The following AUTS2 variants were observed in gnomAD, a reference collection of about 807,000 sequenced individuals.
AUTS2 encodes the protein activator of transcription and developmental regulator AUTS2, also known as autism susceptibility gene 2 protein.
AUTS2 carries 17 observed loss-of-function variants against 112.4 expected under a neutral mutation model. The observed-to-expected ratio is 0.15, with a 90% CI of 0.10 to 0.23. AUTS2 has a LOEUF of 0.23. Ranked by LOEUF, AUTS2 falls within the 10% of genes least tolerant of loss-of-function variation. The pLI, the probability that AUTS2 is intolerant of heterozygous loss-of-function variation, is 1.00. For missense variants in AUTS2, 1,510 were observed against 1,701.6 expected, an observed-to-expected ratio of 0.89 and a Z score of 1.98; for synonymous variants, 751 against 702.7, an observed-to-expected ratio of 1.07 and a Z score of -1.09.
intron 5 of AUTS2, among the ~76,000 whole-genome samples, chr7:70,442,860 T>C (rs1008889559): frequency 6.6e-5 from 10 of 152,192 alleles, no homozygotes; most frequent in African/African-American, 2.4e-4. Flanking sequence ...CCCTTCAGGA[T>C]TTTGTCTGGG....
At chr7:70,041,625 C>T (rs1343043776) in intron 2 of AUTS2, among the ~76,000 whole-genome samples, 1 of 152,178 alleles carries the variant, frequency 6.6e-6, no homozygotes, top group Admixed American at 6.5e-5. Flanking sequence ...AAAGCAGACA[C>T]TCTTGGGTAT....
chr7:70,752,895 T>G (rs1432287898), intron 6 of AUTS2, among the ~76,000 whole-genome samples: 1 of 152,108 alleles, frequency 6.6e-6, no homozygotes, highest in African/African-American at 2.4e-5. Flanking sequence ...CCCTAAAAGC[T>G]CTTCATTCTG....
intron 1 of AUTS2, among the ~76,000 whole-genome samples, chr7:69,794,359 C>T (rs1312670316): frequency 6.6e-6 from 1 of 152,128 alleles, no homozygotes; most frequent in Non-Finnish European, 1.5e-5. Context: ...AAGAATATGG[C>T]ACGATTTCTT....
intron 4 of AUTS2, among the ~76,000 whole-genome samples, chr7:70,383,212 G>C (rs1297476723): frequency 6.6e-6 from 1 of 151,966 alleles, no homozygotes; most frequent in Non-Finnish European, 1.5e-5. Context: ...GAGGTGCTTA[G>C]CATGTGTTCT....
chr7:69,992,602 A>G (rs1266041980), intron 2 of AUTS2, among the ~76,000 whole-genome samples: 1 of 152,152 alleles, frequency 6.6e-6, no homozygotes, highest in Admixed American at 6.5e-5. Flanking sequence ...TCATGTCCAT[A>G]ATCCCAGCAC....
chr7:69,624,562 A>T (rs1481299617), intron 1 of AUTS2, among the ~76,000 whole-genome samples: 1 of 152,222 alleles, frequency 6.6e-6, no homozygotes, highest in Admixed American at 6.5e-5. Flanking sequence ...CAAACCCTGC[A>T]CTTAAGCTGT....
intron 4 of AUTS2, among the ~76,000 whole-genome samples, chr7:70,421,282 C>G (rs1795210181): frequency 6.7e-6 from 1 of 149,610 alleles, no homozygotes; most frequent in South Asian, 2.2e-4. Flanking sequence ...TCATCCCCCC[C>G]AACCCTTCTG....
chr7:70,663,896 AGT>A (rs1379058994), intron 5 of AUTS2, among the ~76,000 whole-genome samples: 1 of 152,216 alleles, frequency 6.6e-6, no homozygotes, highest in African/African-American at 2.4e-5. Context: ...TCTCAGAATG[AGT>A]GTATTTGCTA....
intron 5 of AUTS2, among the ~76,000 whole-genome samples, chr7:70,600,031 C>T (rs975566013): frequency 7.9e-5 from 12 of 152,180 alleles, no homozygotes; most frequent in Admixed American, 2.6e-4. Flanking sequence ...CATTCCTGAG[C>T]CCCACCCACA....
rs750997066 is a variant in AUTS2 at position 70,789,824 on chromosome 7, C to T, written c.2608C>T (p.Arg870Cys). 1.9e-6 allele frequency: 3 copies of T among 1,614,176 alleles called. No individual in the cohort carries two copies. The highest frequency in any genetic ancestry group is 2.2e-5 in the South Asian group (2 of 91,080). Residue 870 changes from arginine (R) to cysteine (C), a missense_variant, in exon 19 of 19, where the codon CGC becomes TGC. By Grantham distance (180) the Arg-to-Cys change is radical (BLOSUM62 -3). Coordinates refer to ENST00000342771, the MANE Select transcript of AUTS2 (RefSeq NM_015570.4). Reference sequence around the variant, plus strand: ...CCCGGTGAATGCCCTGGGACATACCCGCAGCTCCACTGAACAGATCCGGGC... The same window carrying T: ...CCCGGTGAATGCCCTGGGACATACCTGCAGCTCCACTGAACAGATCCGGGC... ...VLPVNALGHT[R>C]SSTEQIRAHL...
chr7:69,932,810 A>G (rs1449108239), intron 2 of AUTS2, among the ~76,000 whole-genome samples: 1 of 152,212 alleles, frequency 6.6e-6, no homozygotes, highest in Non-Finnish European at 1.5e-5. Context: ...GCTTCACATT[A>G]TTTGTTTTAA....
chr7:69,924,701 G>A (rs1562971593), intron 2 of AUTS2, among the ~76,000 whole-genome samples: 1 of 151,946 alleles, frequency 6.6e-6, no homozygotes. Flanking sequence ...ATAGGCATGC[G>A]CCACCACGCC....
At chr7:69,977,569 T>G (rs1000405615) in intron 2 of AUTS2, among the ~76,000 whole-genome samples, 5 of 152,194 alleles carry the variant, frequency 3.3e-5, no homozygotes, top group Non-Finnish European at 7.4e-5. Flanking sequence ...TTAAAGCCCA[T>G]GGTCAACCAC....
chr7:70,766,459 G>A lies in AUTS2; in HGVS notation c.1689+125G>A. 2 of 1,262,362 alleles carry A rather than the reference G, an allele frequency of 1.6e-6. No homozygotes were observed. Among genetic ancestry groups the A allele is most frequent in the Non-Finnish European group, 2.2e-6 (2 of 895,450 alleles). The allele number at this position is 1,262,362 out of a possible 1,614,324, so 78.2% of individuals were successfully genotyped here. A position where few individuals can be genotyped will look rare whatever the true frequency, so the allele number is the denominator to read the frequency against. On this transcript the variant is annotated intron_variant, in intron 9 of 18. Coordinates refer to ENST00000342771, the MANE Select transcript of AUTS2 (RefSeq NM_015570.4). The surrounding 1 kb of genome is among the most constrained non-coding windows in gnomAD (Gnocchi z 4.8). ...AATGGGGACTGACGGCTGTTGGCTG[G>A]AGAGAAGGGAATGTGTCCTAGTGCC...
At chr7:69,860,502 C>T (rs1414144715) in intron 1 of AUTS2, among the ~76,000 whole-genome samples, 1 of 152,040 alleles carries the variant, frequency 6.6e-6, no homozygotes, top group Non-Finnish European at 1.5e-5. Context: ...TTTCCAACAT[C>T]CCCCACACCC....
intron 6 of AUTS2, among the ~76,000 whole-genome samples, chr7:70,745,071 A>G (rs1788368793): frequency 6.6e-6 from 1 of 151,774 alleles, no homozygotes; most frequent in Non-Finnish European, 1.5e-5. Flanking sequence ...ATTGACTCTT[A>G]CCCTCTGCAT....
At chr7:69,976,290 A>T (rs2129548694) in intron 2 of AUTS2, among the ~76,000 whole-genome samples, 1 of 152,318 alleles carries the variant, frequency 6.6e-6, no homozygotes, top group Non-Finnish European at 1.5e-5. Flanking sequence ...TCACTTCATA[A>T]TATCCTCAAG....
Position 70,516,648 on chromosome 7 carries a change from G to A in AUTS2, c.690+80867G>A, listed in dbSNP as rs564210794. Among the ~76,000 whole-genome samples, 33 of 152,282 alleles carry A rather than the reference G, an allele frequency of 2.2e-4. 1 individual carries two copies. In the South Asian group the frequency reaches 6.6e-3, roughly 31 times the overall value. On this transcript the variant is annotated intron_variant, in intron 5 of 18. Coordinates refer to ENST00000342771, the MANE Select transcript of AUTS2 (RefSeq NM_015570.4). ...CCTGGTTATTGTGAGGATTAAATGA[G>A]AAATTGTATTAGAAACTCCAGGCAC...
intron 5 of AUTS2, among the ~76,000 whole-genome samples, chr7:70,644,297 G>A (rs1428125348): frequency 6.6e-6 from 1 of 152,198 alleles, no homozygotes; most frequent in South Asian, 2.1e-4. Flanking sequence ...GAGGAGTGGT[G>A]ATGGAGAGGG....
Sources: gnomAD v4.1 joint callset for allele counts (sites outside exome capture counted in the v4.1 genomes callset) on GRCh38, gnomAD v4.1.1 for gene constraint, Gnocchi (gnomAD v3.1) non-coding constraint, MANE v1.5 for transcripts, NCBI Gene and HGNC (gene_info 2026-07-23, HGNC 2026-07-21) for gene names.